Variants in STARD3 observed in about 807,000 individuals in gnomAD.
STARD3 encodes the protein StAR related lipid transfer domain containing 3.
STARD3 carries 39 observed loss-of-function variants against 62.0 expected under a neutral mutation model. The observed-to-expected ratio is 0.63, with a 90% CI of 0.49 to 0.82. The LOEUF (loss-of-function observed/expected upper bound fraction) is 0.82. Ranked by LOEUF, STARD3 falls within the 40% of genes least tolerant of loss-of-function variation. STARD3 has a pLI of 0.00. For synonymous variants in STARD3, 229 were observed against 242.4 expected (o/e 0.94, Z 0.51); for missense variants, 543 against 584.5 (o/e 0.93, Z 0.73).
chr17:39,658,275 A>G (rs964800176), intron 5 of STARD3, 130 bp from the exon 6 acceptor site: 9 of 900,712 alleles, frequency 1.0e-5, no homozygotes, highest in Non-Finnish European at 1.2e-5. Context: ...CAGACTTGAG[A>G]GGGTTCCCAA....
rs868450127 is a variant in STARD3 at position 39,640,491 on chromosome 17, C to T, written c.-52+3260C>T. Among the ~76,000 whole-genome samples, 5 of 152,212 alleles carry T rather than the reference C, an allele frequency of 3.3e-5. No homozygotes were observed. The Middle Eastern group carries it at 0.01, about 311-fold the overall frequency. Reference sequence around the variant, plus strand: ...TGCCTGGAGGATCCTGTGCTGAAACCGGCTCCCTTCCATCCCCCCAACCCC... The same window carrying T: ...TGCCTGGAGGATCCTGTGCTGAAACTGGCTCCCTTCCATCCCCCCAACCCC... On this transcript the variant is annotated intron_variant, in intron 1 of 14. Transcript: ENST00000336308.
In STARD3 at chr17:39,653,581, C is replaced by T. The variant is rs764244288; in HGVS notation, c.50C>T (p.Pro17Leu). The T allele has an allele frequency of 4.3e-5, 69 of 1,610,246 alleles. No individual in the cohort carries two copies. Among genetic ancestry groups the T allele is most frequent in the Non-Finnish European group, 5.7e-5 (67 of 1,180,012 alleles). ...ACCCGAGACTTGGAGCGCAGCCTGC[C>T]TGCCGTGGCCTCCCTGGGCTCCTCA... ...ELTRDLERSL[P>L]AVASLGSSLS... Residue 17 changes from proline (P) to leucine (L), a missense_variant, in exon 2 of 15, where the codon CCT becomes CTT. Pro to Leu is a moderately conservative substitution (Grantham distance 98). Coordinates refer to ENST00000336308, the MANE Select transcript of STARD3 (RefSeq NM_006804.4).
At chr17:39,661,322 C>G (rs558360878) in intron 13 of STARD3, 1 of 553,894 alleles carries the variant, frequency 1.8e-6, no homozygotes, top group Non-Finnish European at 3.2e-6. Context: ...ACGGGATGTG[C>G]GGCGGTGGCT....
At chr17:39,653,225 C>T in intron 1 of STARD3, 2 of 467,822 alleles carry the variant, frequency 4.3e-6, no homozygotes, top group East Asian at 4.0e-5. Context: ...GACCCCAGAG[C>T]CCTCCAGGGG....
Position 39,660,175 on chromosome 17 carries a change from C to T in STARD3, c.796-36C>T, listed in dbSNP as rs1202617232. The T allele has an allele frequency of 6.2e-7, 1 of 1,612,428 alleles. No homozygotes were observed. Among genetic ancestry groups the T allele is most frequent in the South Asian group, 1.1e-5 (1 of 91,040 alleles). ...GTGCCACCAGCCCACCCCCTGCCTCCACTCTCCTCCCTGCCACCTTCTGTC... is the reference window on the plus strand; with the variant it reads ...GTGCCACCAGCCCACCCCCTGCCTCTACTCTCCTCCCTGCCACCTTCTGTC... On this transcript the variant is annotated intron_variant, in intron 9 of 14. Transcript: ENST00000336308. This position sits in a 1 kb window ranked among gnomAD's most constrained non-coding sequence, Gnocchi z 4.8.
intron 3 of STARD3, 72 bp downstream of exon 3, chr17:39,657,157 C>A: frequency 6.9e-7 from 1 of 1,451,718 alleles, no homozygotes. Flanking sequence ...CTGCTGGGTT[C>A]TCTTTTGGCA....
intron 14 of STARD3, 107 bp downstream of exon 14, chr17:39,662,451 C>CT (rs1434584590): frequency 2.7e-6 from 3 of 1,098,908 alleles, no homozygotes; most frequent in Non-Finnish European, 4.0e-6. Flanking sequence ...CCTGGGCCTC[C>CT]CCTTTGTCAG....
At position 39,658,459 on chromosome 17, in the gene STARD3, G is replaced by T. The variant is rs1333228396; in HGVS notation, c.484G>T (p.Ala162Ser). 2 of 1,614,146 alleles carry T rather than the reference G, an allele frequency of 1.2e-6. No homozygotes were observed. The highest frequency in any genetic ancestry group is 1.7e-6 in the Non-Finnish European group (2 of 1,180,014). ...YLLPIVSFVL[A>S]WLETWFLDFK... ...GCTCCCCATCGTCTCTTTTGTCCTC[G>T]CCTGGTTGGAGACCTGGTTCCTTGA... Residue 162 changes from alanine (A) to serine (S), a missense_variant, in exon 6 of 15, where the codon GCC becomes TCC. Physicochemically the swap from Ala to Ser is moderately conservative, Grantham distance 99. Coordinates refer to ENST00000336308, the MANE Select transcript of STARD3 (RefSeq NM_006804.4).
rs1463567254 is a variant in STARD3, at chr17:39,661,078, T to TA, written c.1133dup (p.Tyr378Ter). Residue 378 changes from tyrosine to a stop codon, truncating the protein, a stop_gained and frameshift_variant, in exon 13 of 15, where the codon TAT (tyrosine) becomes TAAT (stop). Coordinates refer to ENST00000336308, the MANE Select transcript of STARD3 (RefSeq NM_006804.4). LOFTEE classifies it high-confidence loss of function. ...SHSAKPPTHK[Y>*]VRGENGPGGF... ...CAGTGCCAAGCCCCCGACGCACAAA[T>TA]ATGTCCGGTGAGCCTCACTTTGCCT... 5 of 1,613,370 alleles carry TA rather than the reference T, an allele frequency of 3.1e-6. No individual in the cohort carries two copies. Among genetic ancestry groups the TA allele is most frequent in the Non-Finnish European group, 4.2e-6 (5 of 1,180,010 alleles).
At position 39,660,457 on chromosome 17, in the gene STARD3, C is replaced by T. The variant is rs202071810; in HGVS notation, c.885C>T (p.Leu295=). The change falls in exon 11 of 15, where the codon CTC becomes CTT. Residue 295 remains leucine (L), a synonymous_variant. Coordinates refer to ENST00000336308, the MANE Select transcript of STARD3 (RefSeq NM_006804.4). The surrounding 1 kb of genome is among the most constrained non-coding windows in gnomAD (Gnocchi z 4.8). ...LKTFLPCPAE[L]VYQEVILQPE... ...CCTTCCTGCCCTGTCCTGCGGAGCT[C>T]GTGTACCAGGAGGTGATCCTGCAGC... 4.4e-4 allele frequency: 710 copies of T among 1,613,960 alleles called. 9 individuals carry two copies. In the South Asian group the frequency reaches 6.9e-3, roughly 16 times the overall value.
intron 1 of STARD3, among the ~76,000 whole-genome samples, chr17:39,648,904 C>G (rs2057051918): frequency 6.6e-6 from 1 of 152,172 alleles, no homozygotes; most frequent in South Asian, 2.1e-4. Context: ...CATCCAAGTC[C>G]TGTCCCCAAG....
intron 1 of STARD3, among the ~76,000 whole-genome samples, chr17:39,647,555 G>C (rs1360106516): frequency 6.6e-6 from 1 of 152,216 alleles, no homozygotes; most frequent in East Asian, 1.9e-4. Context: ...GTCAGCCAGA[G>C]AATGAGCACT....
chr17:39,648,129 C>CA (rs1189764939), intron 1 of STARD3, among the ~76,000 whole-genome samples: 3 of 151,852 alleles, frequency 2.0e-5, no homozygotes, highest in East Asian at 3.9e-4. Flanking sequence ...ACTAAAAATA[C>CA]AAAAAATTAG....
chr17:39,646,871 C>T (rs899508415), intron 1 of STARD3, among the ~76,000 whole-genome samples: 1 of 152,178 alleles, frequency 6.6e-6, no homozygotes, highest in African/African-American at 2.4e-5. Context: ...GACTTCCCCC[C>T]TCCCCACCCG....
intron 6 of STARD3, 66 bp from the exon 7 acceptor site, chr17:39,658,656 G>A: frequency 6.2e-7 from 1 of 1,600,370 alleles, no homozygotes; most frequent in Non-Finnish European, 8.6e-7. Flanking sequence ...GGGGAGCTTG[G>A]GTGGGGGTAC....
Position 39,662,828 on chromosome 17 carries a change from C to T in STARD3, c.1258C>T (p.His420Tyr). ...GGGCCGCCTGCCCCGGTACCTCATC[C>T]ACCAGAGCCTCGCGGCCACCATGTT... ...LKGRLPRYLI[H>Y]QSLAATMFEF... The change falls in exon 15 of 15, where the codon CAC becomes TAC. Residue 420 changes from histidine (H) to tyrosine (Y), a missense_variant. Coordinates refer to ENST00000336308, the MANE Select transcript of STARD3 (RefSeq NM_006804.4). The T allele has an allele frequency of 6.2e-7, 1 of 1,611,718 alleles. No individual in the cohort carries two copies. The highest frequency in any genetic ancestry group is 8.5e-7 in the Non-Finnish European group (1 of 1,179,176).
rs963853116 is a variant in STARD3 at position 39,659,520 on chromosome 17, C to T, written c.762C>T (p.Ala254=). 6.2e-7 allele frequency: 1 copy of T among 1,614,162 alleles called. No homozygotes were observed. The highest frequency in any genetic ancestry group is 1.1e-5 in the South Asian group (1 of 91,092). Residue 254 remains alanine, a synonymous_variant, in exon 9 of 15, where the codon GCC becomes GCT. Transcript: ENST00000336308. ...EATAVVDQIL[A]QEENWKFEKN... Reference sequence around the variant, plus strand: ...CGGCAGTGGTGGACCAGATCTTGGCCCAGGAAGAGAACTGGAAGTTTGAGA... The same window carrying T: ...CGGCAGTGGTGGACCAGATCTTGGCTCAGGAAGAGAACTGGAAGTTTGAGA...
chr17:39,659,444 C>T lies in STARD3; in HGVS notation c.703-17C>T, dbSNP rs1597799512. On this transcript the variant is annotated splice_polypyrimidine_tract_variant and intron_variant, in intron 8 of 14. Coordinates refer to ENST00000336308, the MANE Select transcript of STARD3 (RefSeq NM_006804.4). ...AGGCCCCAGGCTGACCCCTCCCTGC[C>T]TCCTGCTTCCGTCCAGGAGCGGGAG... is the stretch of plus-strand genomic sequence containing the variant. The T allele has an allele frequency of 3.7e-6, 6 of 1,613,320 alleles. No homozygotes were observed. The highest frequency in any genetic ancestry group is 5.1e-6 in the Non-Finnish European group (6 of 1,179,354).
rs1289867920 is a variant in STARD3 at position 39,663,882 on chromosome 17, C to T, written c.*974C>T. On this transcript the variant is annotated 3_prime_UTR_variant, in exon 15 of 15. Coordinates refer to ENST00000336308, the MANE Select transcript of STARD3 (RefSeq NM_006804.4). Reference sequence around the variant, plus strand: ...CTGGGATCCAGGCCACCTGGAGCCCCGGACCTCCCAGACTCCACTCACCCA... The same window carrying T: ...CTGGGATCCAGGCCACCTGGAGCCCTGGACCTCCCAGACTCCACTCACCCA... 1.3e-5 allele frequency among the ~76,000 whole-genome samples: 2 copies of T among 152,032 alleles called. No homozygotes were observed. The highest frequency in any genetic ancestry group is 2.9e-5 in the Non-Finnish European group (2 of 67,982).
Sources: gnomAD v4.1 joint callset for allele counts (sites outside exome capture counted in the v4.1 genomes callset) on GRCh38, gnomAD v4.1.1 for gene constraint, Gnocchi (gnomAD v3.1) non-coding constraint, MANE v1.5 for transcripts, NCBI Gene and HGNC (gene_info 2026-07-23, HGNC 2026-07-21) for gene names.